The following PRMT8 variants were observed in gnomAD, a reference collection of about 807,000 sequenced individuals.
The protein encoded by PRMT8 is protein arginine methyltransferase 8, also known as protein arginine N-methyltransferase 8.
Under a neutral mutation model 47.1 loss-of-function variants are expected in PRMT8, and 7 were observed. The observed-to-expected ratio is 0.15, with a 90% CI of 0.08 to 0.28. The LOEUF (loss-of-function observed/expected upper bound fraction) is 0.28, where lower values mean the gene tolerates loss of function less well. PRMT8 is among the 10% of genes least tolerant of loss of function. PRMT8 has a pLI of 1.00. For synonymous variants in PRMT8, 188 were observed against 186.5 expected (o/e 1.01, Z -0.07); for missense variants, 237 against 505.4 (o/e 0.47, Z 5.09).
At chr12:3,525,929 A>G (rs1865944561) in intron 1 of PRMT8, among the ~76,000 whole-genome samples, 1 of 152,196 alleles carries the variant, frequency 6.6e-6, no homozygotes, top group Admixed American at 6.5e-5. Flanking sequence ...AGTGGTGATA[A>G]GTACATTCAC....
intron 1 of PRMT8, among the ~76,000 whole-genome samples, chr12:3,518,497 G>A (rs1865830788): frequency 6.6e-6 from 1 of 151,978 alleles, no homozygotes; most frequent in African/African-American, 2.4e-5. Flanking sequence ...CCTGGGCTAA[G>A]GTAATGTCAA....
At chr12:3,505,771 C>T (rs1865614533) in intron 1 of PRMT8, among the ~76,000 whole-genome samples, 1 of 152,172 alleles carries the variant, frequency 6.6e-6, no homozygotes, top group Non-Finnish European at 1.5e-5. Context: ...CCAGGCTTGT[C>T]CTAACCTTTG....
intron 1 of PRMT8, among the ~76,000 whole-genome samples, chr12:3,534,524 C>T (rs540922903): frequency 6.6e-6 from 1 of 152,334 alleles, no homozygotes; most frequent in East Asian, 1.9e-4. Context: ...ACCTAGATTC[C>T]CCTAGGTGAG....
chr12:3,404,546 T>G (rs1485580839), intron 1 of PRMT8, among the ~76,000 whole-genome samples: 1 of 152,182 alleles, frequency 6.6e-6, no homozygotes, highest in African/African-American at 2.4e-5. Context: ...CCAAAAACTA[T>G]CCTTTTCCCG....
At chr12:3,462,174 A>G (rs1865049402) in intron 1 of PRMT8, among the ~76,000 whole-genome samples, 1 of 152,014 alleles carries the variant, frequency 6.6e-6, no homozygotes, top group South Asian at 2.1e-4. Context: ...TTAGTTTGCT[A>G]AGGATGATAA....
intron 1 of PRMT8, among the ~76,000 whole-genome samples, chr12:3,471,633 C>A (rs1203339727): frequency 1.3e-5 from 2 of 151,714 alleles, no homozygotes; most frequent in Non-Finnish European, 2.9e-5. Flanking sequence ...ACCCCAACTT[C>A]TGCTTGTTCA....
At chr12:3,427,398 G>A (rs1016163278) in intron 1 of PRMT8, among the ~76,000 whole-genome samples, 8 of 152,112 alleles carry the variant, frequency 5.3e-5, no homozygotes, top group African/African-American at 1.9e-4. Flanking sequence ...AGAAAAACTG[G>A]ATGATACCCC....
chr12:3,446,854 A>G (rs746262806), intron 1 of PRMT8, among the ~76,000 whole-genome samples: 3 of 152,236 alleles, frequency 2.0e-5, no homozygotes, highest in Admixed American at 2.0e-4. Context: ...TTAGAAGAGC[A>G]TACTGCTTTT....
At position 3,492,892 on chromosome 12, in the gene PRMT8, C is replaced by A. The variant is rs1430704589; in HGVS notation, c.75+1192C>A. On this transcript the variant is annotated intron_variant, in intron 1 of 9. Transcript: ENST00000382622. This position sits in a 1 kb window ranked among gnomAD's most constrained non-coding sequence, Gnocchi z 7.5. ...CTGCCGCACATTTCACATATGGTTA[C>A]CCATATGCAGCGGGGGGCGGGGATG... Among the ~76,000 whole-genome samples, 1 of 152,038 alleles carries A rather than the reference C, an allele frequency of 6.6e-6. No homozygotes were observed. The highest frequency in any genetic ancestry group is 6.5e-5 in the Admixed American group (1 of 15,274).
rs549188636 is a variant in PRMT8, at chr12:3,453,391, G to A, written c.48+71949G>A. Among the ~76,000 whole-genome samples, 8 of 152,264 alleles carry A rather than the reference G, an allele frequency of 5.3e-5. No homozygotes were observed. The South Asian group carries it at 1.5e-3, about 28-fold the overall frequency. ...TTTGCACTGGTGGCTGGGTGTCGCCGTCAGCAGGTGAGGGAGCGCATGGGG... is the reference window on the plus strand; with the variant it reads ...TTTGCACTGGTGGCTGGGTGTCGCCATCAGCAGGTGAGGGAGCGCATGGGG... On this transcript the variant is annotated intron_variant, in intron 1 of 9. Transcript: ENST00000452611. The surrounding 1 kb of genome is among the most constrained non-coding windows in gnomAD (Gnocchi z 4.9).
chr12:3,565,688 C>T (rs1445695747), intron 4 of PRMT8, among the ~76,000 whole-genome samples: 1 of 152,104 alleles, frequency 6.6e-6, no homozygotes, highest in African/African-American at 2.4e-5. Context: ...ATCTATCTGT[C>T]TTCTATATCG....
intron 1 of PRMT8, among the ~76,000 whole-genome samples, chr12:3,534,462 T>C (rs1392090446): frequency 3.3e-5 from 5 of 152,196 alleles, no homozygotes; most frequent in Non-Finnish European, 7.3e-5. Context: ...TCCTCTCCTC[T>C]ACCACCTCTT....
In PRMT8 at chr12:3,518,397, C is replaced by CTTT. The variant is rs58146853; in HGVS notation, c.76-22199_76-22197dup. On this transcript the variant is annotated intron_variant, in intron 1 of 9. Transcript: ENST00000382622. Reference sequence around the variant, plus strand: ...CTAACAAGTACTAGAGTTAGGAATTCTTTTTTTTTTTTAAAAAAAAGGCCA... The same window carrying CTTT: ...CTAACAAGTACTAGAGTTAGGAATTCTTTTTTTTTTTTTTTAAAAAAAAGGCCA... 8.0e-3 allele frequency among the ~76,000 whole-genome samples: 1,147 copies of CTTT among 142,580 alleles called. 17 individuals are homozygous for CTTT. The highest frequency in any genetic ancestry group is 0.059 in the East Asian group (278 of 4,738). The allele number at this position is 142,580 out of a possible 152,430, so 93.5% of individuals were successfully genotyped here.
intron 1 of PRMT8, among the ~76,000 whole-genome samples, chr12:3,434,365 A>G (rs1175714406): frequency 6.6e-6 from 1 of 152,186 alleles, no homozygotes; most frequent in African/African-American, 2.4e-5. Flanking sequence ...TTTGTAGTCT[A>G]TCCACATGCA....
intron 1 of PRMT8, among the ~76,000 whole-genome samples, chr12:3,511,256 A>G (rs1477772254): frequency 6.6e-6 from 1 of 152,156 alleles, no homozygotes; most frequent in Non-Finnish European, 1.5e-5. Flanking sequence ...CCTTCCAGAC[A>G]TGCCCATGGG....
At chr12:3,472,901 G>A (rs1033875529) in intron 1 of PRMT8, among the ~76,000 whole-genome samples, 23 of 152,058 alleles carry the variant, frequency 1.5e-4, no homozygotes, top group Non-Finnish European at 8.8e-5. Flanking sequence ...TTGGGGAAGC[G>A]CTGGGAAGGA....
intron 1 of PRMT8, among the ~76,000 whole-genome samples, chr12:3,522,725 C>T (rs566569063): frequency 1.3e-5 from 2 of 149,932 alleles, no homozygotes; most frequent in African/African-American, 2.5e-5. Flanking sequence ...ACCAAACCAC[C>T]GTGCAAATAG....
At chr12:3,434,971 T>TTTTTA (rs1448847568) in intron 1 of PRMT8, among the ~76,000 whole-genome samples, 8 of 118,910 alleles carry the variant, frequency 6.7e-5, no homozygotes, top group African/African-American at 3.6e-4. Flanking sequence ...CTTTGCTCTT[T>TTTTTA]TTTTTTTTTT....
chr12:3,397,757 C>A (rs1376098187), intron 1 of PRMT8, among the ~76,000 whole-genome samples: 9 of 152,064 alleles, frequency 5.9e-5, no homozygotes, highest in Admixed American at 1.3e-4. Context: ...TGCTTCCCGG[C>A]TGCTTTGTTT....
Sources: gnomAD v4.1 joint callset for allele counts (sites outside exome capture counted in the v4.1 genomes callset) on GRCh38, gnomAD v4.1.1 for gene constraint, Gnocchi (gnomAD v3.1) non-coding constraint, MANE v1.5 for transcripts, NCBI Gene and HGNC (gene_info 2026-07-23, HGNC 2026-07-21) for gene names.